Variants in C10orf90 observed in about 807,000 individuals in gnomAD.
C10orf90 encodes chromosome 10 open reading frame 90, also known as (E2-independent) E3 ubiquitin-conjugating enzyme FATS.
In C10orf90, 56 loss-of-function variants were observed where a neutral mutation model predicts 62.5. That is an observed-to-expected ratio of 0.90 (90% CI 0.72 to 1.12). C10orf90 has a LOEUF of 1.12. Ranked by LOEUF, C10orf90 falls within the 50% of genes most tolerant of loss-of-function variation. The probability of loss-of-function intolerance (pLI) is 0.00; values close to 1 mark genes in which losing one functional copy is unlikely to be tolerated. For synonymous variants in C10orf90, 386 were observed against 340.4 expected (o/e 1.13, Z -1.47); for missense variants, 970 against 880.4 (o/e 1.10, Z -1.29).
At chr10:126,621,033 T>C (rs1845634266) in intron 2 of C10orf90, among the ~76,000 whole-genome samples, 1 of 152,246 alleles carries the variant, frequency 6.6e-6, no homozygotes, top group South Asian at 2.1e-4. Context: ...TAATATTTTA[T>C]TAAGCATATT....
At chr10:126,639,223 C>A (rs1846012915) in intron 2 of C10orf90, among the ~76,000 whole-genome samples, 1 of 152,134 alleles carries the variant, frequency 6.6e-6, no homozygotes, top group Non-Finnish European at 1.5e-5. Flanking sequence ...TTCAGATGCA[C>A]CCCTCCAGTT....
chr10:126,565,707 C>T (rs1056191736), intron 2 of C10orf90, among the ~76,000 whole-genome samples: 2 of 151,926 alleles, frequency 1.3e-5, no homozygotes, highest in Admixed American at 1.3e-4. Flanking sequence ...GAGGCCATCC[C>T]CATGCAAGAA....
intron 2 of C10orf90, among the ~76,000 whole-genome samples, chr10:126,558,720 T>C (rs117271002): frequency 4.1e-4 from 62 of 152,350 alleles, no homozygotes; most frequent in Non-Finnish European, 8.2e-4. Context: ...AACACTTCTA[T>C]GTTACTGCCA....
At chr10:126,579,805 T>A (rs1433488358) in intron 2 of C10orf90, among the ~76,000 whole-genome samples, 2 of 152,020 alleles carry the variant, frequency 1.3e-5, no homozygotes, top group Non-Finnish European at 2.9e-5. Context: ...AATGCCAGGC[T>A]TTGATGCAGG....
At position 126,568,097 on chromosome 10, in the gene C10orf90, A is replaced by AC. The variant is rs562771041; in HGVS notation, c.314-54159dup. On this transcript the variant is annotated intron_variant, in intron 2 of 9. Transcript: ENST00000488181. ...CCACCTAAAAGGTGGGCAAATCTCC[A>AC]CAGCCAGAGGGAGGAGGCAGTAGTT... Among the ~76,000 whole-genome samples the AC allele has an allele frequency of 1.2e-3, 185 of 152,258 alleles. 1 individual carries two copies. The highest frequency in any genetic ancestry group is 3.9e-3 in the African/African-American group (164 of 41,550).
At chr10:126,559,233 T>A (rs1312574296) in intron 2 of C10orf90, among the ~76,000 whole-genome samples, 1 of 152,220 alleles carries the variant, frequency 6.6e-6, no homozygotes, top group Non-Finnish European at 1.5e-5. Flanking sequence ...TTCCTTAAAT[T>A]TTTAAAGTAA....
rs936289800 is a variant in C10orf90 at position 126,429,241 on chromosome 10, C to T, written c.2252+546G>A. Among the ~76,000 whole-genome samples, 15 of 152,110 alleles carry T rather than the reference C, an allele frequency of 9.9e-5. No homozygotes were observed. The East Asian group carries it at 2.9e-3, about 30-fold the overall frequency. On this transcript the variant is annotated intron_variant, in intron 8 of 9. Transcript: ENST00000488181. The stretch of plus-strand genomic sequence containing the variant: ...AGTGGGAGTCTTGAACAGCCACCAG[C>T]CAAGCAGAATAAGGAGGATGTGTTG...
intron 3 of C10orf90, among the ~76,000 whole-genome samples, chr10:126,510,232 G>C (rs757673684): frequency 2.6e-5 from 4 of 152,106 alleles, no homozygotes; most frequent in Non-Finnish European, 5.9e-5. Context: ...GGTAGTGGGG[G>C]ATGCAATTCA....
rs578150219 is a variant in C10orf90, at chr10:126,523,518, T to C, written c.314-9579A>G. The C allele has an allele frequency of 5.9e-5, 9 of 152,358 alleles. No individual in the cohort carries two copies. The East Asian group carries it at 1.7e-3, about 29-fold the overall frequency. The allele number at this position is 152,358 out of a possible 1,614,324, so 9.4% of individuals were successfully genotyped here. A position where few individuals can be genotyped will look rare whatever the true frequency, so the allele number is the denominator to read the frequency against. ...ACACACATAAAGAGATATTTTTCCA[T>C]GCATTGCGGATCTGACCATTTTCTT... On this transcript the variant is annotated intron_variant, in intron 2 of 9. Coordinates refer to ENST00000488181, the MANE Select transcript of C10orf90 (RefSeq NM_001350921.2).
chr10:126,441,880 G>A (rs1172891834), intron 7 of C10orf90, among the ~76,000 whole-genome samples: 1 of 152,068 alleles, frequency 6.6e-6, no homozygotes, highest in Non-Finnish European at 1.5e-5. Flanking sequence ...AACTCTAAAA[G>A]TGCTCTAAAT....
chr10:126,576,772 C>CATATACATATATATGTAT (rs1844634952), intron 2 of C10orf90, among the ~76,000 whole-genome samples: 1 of 139,858 alleles, frequency 7.2e-6, no homozygotes, highest in Non-Finnish European at 1.5e-5. Flanking sequence ...TGTATATGTA[C>CATATACATATATATGTAT]ATATACATAT....
chr10:126,592,876 A>G (rs1301419057), intron 2 of C10orf90, among the ~76,000 whole-genome samples: 1 of 152,224 alleles, frequency 6.6e-6, no homozygotes, highest in Middle Eastern at 3.2e-3. Flanking sequence ...AAGTAGGCAA[A>G]GGATGTGAAC....
intron 4 of C10orf90, among the ~76,000 whole-genome samples, chr10:126,484,196 C>G (rs1182914198): frequency 6.6e-6 from 1 of 152,018 alleles, no homozygotes; most frequent in Non-Finnish European, 1.5e-5. Context: ...TTTTTGCATC[C>G]CAGTTCTCTT....
chr10:126,438,395 A>C (rs947146345), intron 7 of C10orf90, among the ~76,000 whole-genome samples: 1 of 152,252 alleles, frequency 6.6e-6, no homozygotes, highest in African/African-American at 2.4e-5. Context: ...ACTATCAAGA[A>C]TTAGATAAAA....
intron 2 of C10orf90, among the ~76,000 whole-genome samples, chr10:126,565,012 T>TTA (rs1844297599): frequency 2.9e-4 from 3 of 10,248 alleles, no homozygotes; most frequent in Non-Finnish European, 5.2e-4. Flanking sequence ...ATAATATATA[T>TTA]AATATATATT....
In C10orf90 at chr10:126,649,030, CTCTG is replaced by C. The variant is rs1189151523; in HGVS notation, c.241-2397_241-2394del. ...AGATGATATCTCTCTCTCTCTCTGT[CTCTG>C]TCTCTCTCTCTCTCTCTCTCTCTCT... On this transcript the variant is annotated intron_variant, in intron 1 of 9. Coordinates refer to ENST00000488181, the MANE Select transcript of C10orf90 (RefSeq NM_001350921.2). 5.7e-3 allele frequency among the ~76,000 whole-genome samples: 182 copies of C among 31,736 alleles called. 12 individuals carry two copies. The highest frequency in any genetic ancestry group is 0.017 in the African/African-American group (163 of 9,868). The allele number at this position is 31,736 out of a possible 152,430, so 20.8% of individuals were successfully genotyped here. A position where few individuals can be genotyped will look rare whatever the true frequency, so the allele number is the denominator to read the frequency against.
At chr10:126,580,560 G>A (rs187657349) in intron 2 of C10orf90, among the ~76,000 whole-genome samples, 1 of 151,866 alleles carries the variant, frequency 6.6e-6, no homozygotes, top group Non-Finnish European at 1.5e-5. Flanking sequence ...GGCTGAGGCA[G>A]GAGAATGGCG....
chr10:126,496,642 A>G (rs556374365), intron 4 of C10orf90: 2 of 985,328 alleles, frequency 2.0e-6, no homozygotes, highest in East Asian at 1.1e-4. Flanking sequence ...TTTTAACTTT[A>G]CTTTTCACAA....
chr10:126,620,479 T>C (rs1445162958), intron 2 of C10orf90, among the ~76,000 whole-genome samples: 1 of 152,236 alleles, frequency 6.6e-6, no homozygotes, highest in Admixed American at 6.5e-5. Context: ...ATTCACGTTA[T>C]CAATTGTCAC....
Sources: gnomAD v4.1 joint callset for allele counts (sites outside exome capture counted in the v4.1 genomes callset) on GRCh38, gnomAD v4.1.1 for gene constraint, MANE v1.5 for transcripts, NCBI Gene and HGNC (gene_info 2026-07-23, HGNC 2026-07-21) for gene names.